SYTL4: variants seen among roughly 807,000 people sequenced by gnomAD.
SYTL4 encodes synaptotagmin-like protein 4.
SYTL4 carries 16 observed loss-of-function variants against 52.7 expected under a neutral mutation model. The observed-to-expected ratio is 0.30, with a 90% confidence interval of 0.21 to 0.46. The LOEUF (loss-of-function observed/expected upper bound fraction) is 0.46. Among genes scored for constraint, SYTL4 ranks in the 20% least tolerant of loss-of-function variants. The pLI is 1.00. For synonymous variants in SYTL4, 160 were observed against 186.6 expected, an observed-to-expected ratio of 0.86 and a Z score of 1.16; for missense variants, 423 against 519.9, an observed-to-expected ratio of 0.81 and a Z score of 1.81.
In SYTL4 at chrX:100,701,856, G is replaced by A. The variant is rs183387483; in HGVS notation, c.110+72C>T. ...TACAAATTCCTATGAAAGTCAGGTG[G>A]GAGACATAAGGAAAAGCCCAGACAT... On this transcript the variant is annotated intron_variant, in intron 5 of 19. Transcript: ENST00000372989. 143 of 886,544 alleles carry A rather than the reference G, an allele frequency of 1.6e-4. No homozygotes were observed. In the African/African-American group the frequency reaches 2.5e-3, roughly 16 times the overall value. The allele number at this position is 886,544 out of a possible 1,213,427, so 73.1% of individuals were successfully genotyped here.
chrX:100,687,327 C>T, intron 13 of SYTL4, 82 bp from the exon 14 acceptor site: 1 of 896,271 alleles, frequency 1.1e-6, no homozygotes, highest in Admixed American at 2.4e-5. Flanking sequence ...ATGATAAAAC[C>T]ACAGTCACTG....
In SYTL4 at chrX:100,675,932, A is replaced by G; in HGVS notation, c.*96T>C. 2 of 901,036 alleles carry G rather than the reference A, an allele frequency of 2.2e-6. No homozygotes were observed. Among genetic ancestry groups the G allele is most frequent in the African/African-American group, 2.0e-5 (1 of 50,711 alleles). The allele number at this position is 901,036 out of a possible 1,213,427, so 74.3% of individuals were successfully genotyped here. ...CACACACACACACATACACACATAC[A>G]CACATACACATTAAATTATAAATCT... On this transcript the variant is annotated 3_prime_UTR_variant, in exon 20 of 20. Coordinates refer to ENST00000372989, the MANE Select transcript of SYTL4 (RefSeq NM_001370165.1).
At chrX:100,698,184 G>C (rs1338170923) in intron 8 of SYTL4, among the ~76,000 whole-genome samples, 1 of 110,515 alleles carries the variant, frequency 9.0e-6, no homozygotes, top group Non-Finnish European at 1.9e-5. Context: ...CTCAGTGCAA[G>C]CTCCGCCTCC....
chrX:100,727,654 G>A (rs913672723), intron 2 of SYTL4, among the ~76,000 whole-genome samples: 1 of 112,489 alleles, frequency 8.9e-6, no homozygotes, highest in Admixed American at 9.4e-5. Flanking sequence ...TGGCAGACGT[G>A]TGGTGGCTTG....
chrX:100,700,680 A>G (rs2083830085), intron 8 of SYTL4, among the ~76,000 whole-genome samples: 1 of 112,351 alleles, frequency 8.9e-6, no homozygotes, highest in East Asian at 2.8e-4. Context: ...TGCAAACTAT[A>G]AAAAATAAAG....
In SYTL4 at chrX:100,674,848, TC is replaced by T. The variant is rs1356676686; in HGVS notation, c.*1179del. On this transcript the variant is annotated 3_prime_UTR_variant, in exon 20 of 20. Coordinates refer to ENST00000372989, the MANE Select transcript of SYTL4 (RefSeq NM_001370165.1). The stretch of plus-strand genomic sequence containing the variant: ...GATGAAACTTAGCTCACTAGACCCT[TC>T]TTTGAAAAGCCTCAACACACTACAC... 8.9e-6 allele frequency: 1 copy of T among 111,958 alleles called. No homozygotes were observed. The highest frequency in any genetic ancestry group is 1.9e-5 in the Non-Finnish European group (1 of 53,236). 9.2% of individuals were successfully genotyped at this position (111,958 alleles called of 1,213,427 possible).
chrX:100,731,795 A>G (rs2084653234), intron 1 of SYTL4, among the ~76,000 whole-genome samples: 1 of 111,836 alleles, frequency 8.9e-6, no homozygotes, highest in South Asian at 3.8e-4. Context: ...CGGGAGTCCA[A>G]GCCTGGGGAT....
chrX:100,688,320 T>G (rs1418911997), intron 13 of SYTL4, 31 bp downstream of exon 13: 3 of 1,157,019 alleles, frequency 2.6e-6, no homozygotes, highest in Non-Finnish European at 3.5e-6. Context: ...TACCCCAACA[T>G]GCCTGTAACC....
At chrX:100,678,027 C>G (rs1365588474) in intron 19 of SYTL4, among the ~76,000 whole-genome samples, 1 of 111,239 alleles carries the variant, frequency 9.0e-6, no homozygotes, top group Non-Finnish European at 1.9e-5. Context: ...GGAGGTGGCC[C>G]AGAGCACTTG....
At chrX:100,729,390 C>A (rs2084592720) in intron 2 of SYTL4, among the ~76,000 whole-genome samples, 2 of 110,955 alleles carry the variant, frequency 1.8e-5, no homozygotes, top group South Asian at 7.8e-4. Context: ...AGTGGGAGGG[C>A]AGACAATAAG....
In SYTL4 at chrX:100,679,337, C is replaced by T. The variant is rs185265268; in HGVS notation, c.1634G>A (p.Gly545Glu). 8 of 1,209,067 alleles carry T rather than the reference C, an allele frequency of 6.6e-6. No individual in the cohort carries two copies. The African/African-American group carries it at 1.4e-4, about 21-fold the overall frequency. The part of the protein sequence containing the change: ...AKNLTAAKAG[G>E]TSDSFVKGYL... Reference sequence around the variant, plus strand: ...CCCCTTGACAAAGCTGTCTGAAGTCCCTCCTGCTTTGGCAGCCGTCAAGTT... The same window carrying T: ...CCCCTTGACAAAGCTGTCTGAAGTCTCTCCTGCTTTGGCAGCCGTCAAGTT... The change falls in exon 18 of 20, where the codon GGG becomes GAG. Residue 545 changes from glycine to glutamate, a missense_variant. Coordinates refer to ENST00000372989, the MANE Select transcript of SYTL4 (RefSeq NM_001370165.1).
intron 2 of SYTL4, among the ~76,000 whole-genome samples, chrX:100,720,861 T>G (rs915502786): frequency 3.6e-5 from 4 of 112,144 alleles, no homozygotes; most frequent in African/African-American, 1.3e-4. Flanking sequence ...AAATAAAATA[T>G]TAATAAATAT....
At chrX:100,725,913 C>T (rs967704343) in intron 2 of SYTL4, among the ~76,000 whole-genome samples, 1 of 111,259 alleles carries the variant, frequency 9.0e-6, no homozygotes, top group Non-Finnish European at 1.9e-5. Context: ...ATGCCTGAAT[C>T]GATAGAGCTA....
intron 8 of SYTL4, among the ~76,000 whole-genome samples, chrX:100,693,329 C>A (rs1042403669): frequency 2.7e-5 from 3 of 112,744 alleles, no homozygotes; most frequent in African/African-American, 9.7e-5. Context: ...AAAACCAAAG[C>A]CCTAATCTTC....
chrX:100,717,330 G>C (rs1227296545), intron 2 of SYTL4, among the ~76,000 whole-genome samples: 3 of 112,601 alleles, frequency 2.7e-5, no homozygotes, highest in Non-Finnish European at 3.7e-5. Flanking sequence ...ACATAATTCA[G>C]CTTGGGGAAA....
intron 2 of SYTL4, among the ~76,000 whole-genome samples, chrX:100,729,029 T>C (rs1425734794): frequency 6.6e-5 from 7 of 105,712 alleles, no homozygotes; most frequent in Admixed American, 3.0e-4. Flanking sequence ...ACAGCGAAAC[T>C]CTGCCTCAAA....
chrX:100,723,971 G>T (rs2084423031), intron 2 of SYTL4, among the ~76,000 whole-genome samples: 1 of 99,804 alleles, frequency 1.0e-5, no homozygotes, highest in African/African-American at 3.8e-5. Flanking sequence ...GAGGTGGGGG[G>T]GTCAGCCCCC....
At chrX:100,712,778 T>C (rs539594175) in intron 2 of SYTL4, among the ~76,000 whole-genome samples, 1 of 112,426 alleles carries the variant, frequency 8.9e-6, no homozygotes, top group Admixed American at 9.4e-5. Flanking sequence ...AACTCTACAA[T>C]ATTTTTAAAA....
At chrX:100,700,401 G>A (rs1251727452) in intron 8 of SYTL4, among the ~76,000 whole-genome samples, 1 of 111,510 alleles carries the variant, frequency 9.0e-6, no homozygotes, top group Admixed American at 9.5e-5. Context: ...TTATTTCAGT[G>A]TTTTATTCTG....
Sources: allele counts gnomAD v4.1 joint callset (sites outside exome capture counted in the v4.1 genomes callset), GRCh38; gene constraint gnomAD v4.1.1; transcripts MANE v1.5; gene names NCBI Gene and HGNC (gene_info 2026-07-23, HGNC 2026-07-21).